Variants in CNKSR2 observed in about 807,000 individuals in gnomAD.
The protein encoded by CNKSR2 is connector enhancer of kinase suppressor of Ras 2, also known as CNK homolog protein 2.
CNKSR2 carries 14 observed loss-of-function variants against 84.4 expected under a neutral mutation model. The ratio of observed to expected loss-of-function variants is 0.17; its 90% confidence interval spans 0.11 to 0.26. The LOEUF is 0.26. Among genes scored for constraint, CNKSR2 ranks in the 10% least tolerant of loss-of-function variants. The pLI is 1.00. For synonymous variants in CNKSR2, 275 were observed against 277.9 expected (o/e 0.99, Z 0.10); for missense variants, 485 against 771.2 (o/e 0.63, Z 4.40).
chrX:21,421,128 G>C (rs769252009), intron 1 of CNKSR2, among the ~76,000 whole-genome samples: 1 of 110,902 alleles, frequency 9.0e-6, no homozygotes, highest in Non-Finnish European at 1.9e-5. Flanking sequence ...GTGGGCATCA[G>C]CTGAGTTTGG....
At chrX:21,464,088 C>G (rs1418770414) in intron 4 of CNKSR2, among the ~76,000 whole-genome samples, 1 of 112,097 alleles carries the variant, frequency 8.9e-6, no homozygotes, top group African/African-American at 3.2e-5. Flanking sequence ...GGCCCCACAT[C>G]GCTGTAGCCC....
chrX:21,552,684 T>G (rs1047240717), intron 11 of CNKSR2, among the ~76,000 whole-genome samples: 1 of 112,092 alleles, frequency 8.9e-6, no homozygotes, highest in Non-Finnish European at 1.9e-5. Flanking sequence ...TGTAAACTAC[T>G]TTCTAGAGTA....
At chrX:21,403,192 C>G (rs2090216317) in intron 1 of CNKSR2, among the ~76,000 whole-genome samples, 1 of 111,025 alleles carries the variant, frequency 9.0e-6, no homozygotes, top group Admixed American at 9.6e-5. Flanking sequence ...CAGACTCTCC[C>G]CCACCTCATT....
chrX:21,533,288 T>C (rs1427932726), intron 11 of CNKSR2, among the ~76,000 whole-genome samples: 1 of 110,306 alleles, frequency 9.1e-6, no homozygotes, highest in Non-Finnish European at 1.9e-5. Flanking sequence ...TAGAGGCCTG[T>C]AATCTTTGCT....
At chrX:21,381,777 C>G (rs2089902774) in intron 1 of CNKSR2, among the ~76,000 whole-genome samples, 1 of 111,693 alleles carries the variant, frequency 9.0e-6, no homozygotes, top group African/African-American at 3.3e-5. Context: ...TGTTCCCTAT[C>G]CCTCTTCACC....
chrX:21,421,287 G>GTTTTTTTTTTTTTTTTTTTTATTTTTT (rs756375947), intron 1 of CNKSR2, among the ~76,000 whole-genome samples: 1 of 86,941 alleles, frequency 1.2e-5, no homozygotes. Flanking sequence ...ATTTAAGATG[G>GTTTTTTTTTTTTTTTTTTTTATTTTTT]TTTTTTTTTT....
chrX:21,574,837 A>G (rs1301250286), intron 13 of CNKSR2, among the ~76,000 whole-genome samples: 1 of 111,786 alleles, frequency 8.9e-6, no homozygotes, highest in Non-Finnish European at 1.9e-5. Context: ...CATCATTGGG[A>G]TTTTTTAAAA....
chrX:21,433,530 A>G (rs1323653609), intron 3 of CNKSR2, among the ~76,000 whole-genome samples: 2 of 110,580 alleles, frequency 1.8e-5, no homozygotes, highest in Non-Finnish European at 3.8e-5. Context: ...GGTATGTACT[A>G]TGTTTAATGG....
chrX:21,468,078 T>C (rs6528022), intron 4 of CNKSR2, among the ~76,000 whole-genome samples: 12,009 of 110,513 alleles, frequency 0.11, 1,583 homozygotes, highest in African/African-American at 0.38. Flanking sequence ...AAGTTAAAAA[T>C]ACTTAAAACA....
chrX:21,563,178 GAA>G, intron 12 of CNKSR2, 58 bp from the exon 13 acceptor site: 1 of 924,759 alleles, frequency 1.1e-6, no homozygotes, highest in South Asian at 2.8e-5. Flanking sequence ...AATTGAGAAA[GAA>G]TGGTAAATTT....
intron 1 of CNKSR2, among the ~76,000 whole-genome samples, chrX:21,382,321 AAATT>A (rs1427102226): frequency 1.8e-5 from 2 of 111,938 alleles, no homozygotes; most frequent in African/African-American, 6.5e-5. Flanking sequence ...TAATTTCAGG[AAATT>A]AATAACACTT....
chrX:21,583,303 T>C (rs1195890455), intron 13 of CNKSR2, among the ~76,000 whole-genome samples: 1 of 111,695 alleles, frequency 9.0e-6, no homozygotes, highest in Non-Finnish European at 1.9e-5. Flanking sequence ...ACTTAAGTTC[T>C]ATGCTGTTAT....
rs544433547 is a variant in CNKSR2 at position 21,477,780 on chromosome X, G to A, written c.561+6973G>A. Among the ~76,000 whole-genome samples the A allele has an allele frequency of 1.1e-4, 12 of 111,880 alleles. No individual in the cohort carries two copies. The South Asian group carries it at 3.0e-3, about 28-fold the overall frequency. ...GAGGATGTGTTTAAGTACTGGTGTA[G>A]CAGCATACCCCAAAGTGAAATAAAA... is the stretch of plus-strand genomic sequence containing the variant. On this transcript the variant is annotated intron_variant, in intron 5 of 21. Transcript: ENST00000379510.
intron 21 of CNKSR2, 136 bp from the exon 22 acceptor site, chrX:21,652,168 GTC>G: frequency 2.1e-6 from 1 of 474,707 alleles, no homozygotes; most frequent in Non-Finnish European, 3.5e-6. Flanking sequence ...TAGGACGTGA[GTC>G]TAAAGAGCTG....
intron 20 of CNKSR2, chrX:21,644,203 C>G (rs1233169224): frequency 9.0e-6 from 1 of 111,731 alleles, no homozygotes; most frequent in East Asian, 2.8e-4. Context: ...CCAGTCTTCT[C>G]TACCATTTGT....
At chrX:21,621,433 TCA>T (rs1316056176) in intron 20 of CNKSR2, among the ~76,000 whole-genome samples, 2 of 111,670 alleles carry the variant, frequency 1.8e-5, no homozygotes, top group African/African-American at 6.5e-5. Flanking sequence ...GTTTAGAATC[TCA>T]GTTTTATCAT....
chrX:21,609,643 G>A, intron 20 of CNKSR2, 26 bp downstream of exon 20: 1 of 1,155,421 alleles, frequency 8.7e-7, no homozygotes, highest in Non-Finnish European at 1.1e-6. Flanking sequence ...GAGATTCTTA[G>A]CCTGTGTACA....
chrX:21,516,680 T>G, intron 9 of CNKSR2, 49 bp downstream of exon 9: 1 of 1,091,903 alleles, frequency 9.2e-7, no homozygotes, highest in Non-Finnish European at 1.3e-6. Flanking sequence ...AGCCATAGAT[T>G]ATCTCAGTAA....
intron 4 of CNKSR2, among the ~76,000 whole-genome samples, chrX:21,450,396 A>G (rs1170644329): frequency 9.0e-6 from 1 of 111,343 alleles, no homozygotes; most frequent in African/African-American, 3.3e-5. Flanking sequence ...TTTTTTGCAT[A>G]CGCGGACATA....
Sources: allele counts gnomAD v4.1 joint callset (sites outside exome capture counted in the v4.1 genomes callset), GRCh38; gene constraint gnomAD v4.1.1; transcripts MANE v1.5; gene names NCBI Gene and HGNC (gene_info 2026-07-23, HGNC 2026-07-21).